Variants in ANKFN1 observed in about 807,000 individuals in gnomAD.
ANKFN1 encodes ankyrin repeat and fibronectin type-III domain-containing protein 1.
ANKFN1 carries 74 observed loss-of-function variants against 108.7 expected under a neutral mutation model. The ratio of observed to expected loss-of-function variants is 0.68; its 90% CI spans 0.56 to 0.83. ANKFN1 has a LOEUF of 0.83. ANKFN1 is among the 40% of genes least tolerant of loss of function. The pLI is 0.00. For synonymous variants in ANKFN1, 547 were observed against 516.2 expected, an observed-to-expected ratio of 1.06 and a Z score of -0.81; for missense variants, 1,505 against 1,382.3, an observed-to-expected ratio of 1.09 and a Z score of -1.41.
intron 5 of ANKFN1, among the ~76,000 whole-genome samples, chr17:56,351,875 C>G (rs2046256867): frequency 6.6e-6 from 1 of 152,108 alleles, no homozygotes. Flanking sequence ...GCTCTTAAAA[C>G]AGAAATGAGT....
chr17:56,391,359 CAT>C (rs1335527140), intron 8 of ANKFN1, among the ~76,000 whole-genome samples: 169 of 103,830 alleles, frequency 1.6e-3, no homozygotes, highest in African/African-American at 6.3e-3. Flanking sequence ...CCCAAGAATA[CAT>C]ATATATATGT....
rs1910582593 is a variant in ANKFN1 at position 56,170,773 on chromosome 17, T to A, written c.-71+17243T>A. Among the ~76,000 whole-genome samples the A allele has an allele frequency of 9.8e-5, 8 of 81,360 alleles. No homozygotes were observed. The South Asian group carries it at 1.5e-3, about 15-fold the overall frequency. 53.4% of individuals were successfully genotyped at this position (81,360 alleles called of 152,430 possible). ...GTGAGACTCTGTCAAGAAAAAATTT[T>A]TTATATATATATATATATATATATA... On this transcript the variant is annotated intron_variant, in intron 1 of 20. Transcript: ENST00000682825.
chr17:56,441,791 T>C (rs185952304), intron 9 of ANKFN1, among the ~76,000 whole-genome samples: 1 of 152,286 alleles, frequency 6.6e-6, no homozygotes, highest in African/African-American at 2.4e-5. Context: ...CTTTACACAA[T>C]CTCTATAACT....
chr17:56,480,080 A>C (rs1193060404), intron 16 of ANKFN1, among the ~76,000 whole-genome samples: 1 of 152,240 alleles, frequency 6.6e-6, no homozygotes, highest in Non-Finnish European at 1.5e-5. Flanking sequence ...AAAGACACAG[A>C]TTACTGGTTT....
At chr17:56,123,410 G>A (rs986326104) in intron 4 of ANKFN1, among the ~76,000 whole-genome samples, 18 of 152,292 alleles carry the variant, frequency 1.2e-4, no homozygotes, top group Non-Finnish European at 2.1e-4. Context: ...GTAGGAATAT[G>A]CCAGAACCAT....
intron 1 of ANKFN1, among the ~76,000 whole-genome samples, chr17:56,173,727 G>A (rs1009756317): frequency 2.0e-5 from 3 of 152,076 alleles, no homozygotes; most frequent in Non-Finnish European, 2.9e-5. Context: ...CTACCAAAAC[G>A]CTGGGATTCC....
At chr17:56,183,204 A>T (rs1294776818) in intron 1 of ANKFN1, among the ~76,000 whole-genome samples, 3 of 152,186 alleles carry the variant, frequency 2.0e-5, no homozygotes, top group Non-Finnish European at 4.4e-5. Flanking sequence ...TTATTTAAGG[A>T]GTACATTTCA....
rs542401388 is a variant in ANKFN1, at chr17:56,513,598, G to C, written c.*2329G>C. On this transcript the variant is annotated 3_prime_UTR_variant, in exon 21 of 21. Coordinates refer to ENST00000682825, the MANE Select transcript of ANKFN1 (RefSeq NM_001370326.1). ...AAGTTTGTGACTGAATCAGGTGGGA[G>C]GCATTCAACAAACAGGAGAGGCAGA... Among the ~76,000 whole-genome samples, 5 of 152,244 alleles carry C rather than the reference G, an allele frequency of 3.3e-5. No individual in the cohort carries two copies. In the South Asian group the frequency reaches 1.0e-3, roughly 32 times the overall value.
At chr17:56,194,485 C>T (rs192213866) in intron 1 of ANKFN1, among the ~76,000 whole-genome samples, 5 of 152,178 alleles carry the variant, frequency 3.3e-5, no homozygotes, top group African/African-American at 1.2e-4. Flanking sequence ...ATATTTATTA[C>T]TAAGTAAGAA....
intron 4 of ANKFN1, among the ~76,000 whole-genome samples, chr17:56,093,314 T>A (rs1243689974): frequency 6.6e-6 from 1 of 151,186 alleles, no homozygotes; most frequent in East Asian, 1.9e-4. Flanking sequence ...TCAGTCTACT[T>A]GGGCTTAAAA....
chr17:56,426,026 G>T (rs551580156), intron 8 of ANKFN1, among the ~76,000 whole-genome samples: 1 of 152,304 alleles, frequency 6.6e-6, no homozygotes, highest in South Asian at 2.1e-4. Flanking sequence ...GAATGTACCA[G>T]CAATTAGCTT....
chr17:56,446,794 A>G (rs942312095), intron 10 of ANKFN1, among the ~76,000 whole-genome samples: 1 of 151,954 alleles, frequency 6.6e-6, no homozygotes, highest in Non-Finnish European at 1.5e-5. Flanking sequence ...GTCCCCAGCT[A>G]CTAGGGAGGC....
In ANKFN1 at chr17:56,182,502, T is replaced by C. The variant is rs548171140; in HGVS notation, c.-71+28972T>C. On this transcript the variant is annotated intron_variant, in intron 1 of 20. Coordinates refer to ENST00000682825, the MANE Select transcript of ANKFN1 (RefSeq NM_001370326.1). Reference sequence around the variant, plus strand: ...ACCTAGTCCAGAGCAAGACCCTAACTCTTTGAATTTTCTGAAATCTGGGAG... The same window carrying C: ...ACCTAGTCCAGAGCAAGACCCTAACCCTTTGAATTTTCTGAAATCTGGGAG... Among the ~76,000 whole-genome samples, 6 of 152,228 alleles carry C rather than the reference T, an allele frequency of 3.9e-5. No individual in the cohort carries two copies. In the South Asian group the frequency reaches 1.2e-3, roughly 32 times the overall value.
intron 3 of ANKFN1, among the ~76,000 whole-genome samples, chr17:56,263,739 A>C (rs999768194): frequency 4.7e-4 from 72 of 152,220 alleles, no homozygotes; most frequent in African/African-American, 1.6e-3. Flanking sequence ...GGGGAGAGAA[A>C]GATCCGAGGT....
Position 56,350,890 on chromosome 17 carries a change from A to G in ANKFN1, c.313A>G (p.Lys105Glu). The G allele has an allele frequency of 6.2e-7, 1 of 1,613,860 alleles. No homozygotes were observed. The highest frequency in any genetic ancestry group is 8.5e-7 in the Non-Finnish European group (1 of 1,179,904). The change falls in exon 5 of 21, where the codon AAA (lysine) becomes GAA (glutamate). Residue 105 changes from lysine (K) to glutamate (E), a missense_variant. Lys to Glu is a moderately conservative substitution (Grantham distance 56). Coordinates refer to ENST00000682825, the MANE Select transcript of ANKFN1 (RefSeq NM_001370326.1). Reference sequence around the variant, plus strand: ...GTACAGGAACCTCTCTGAGAAACTGAAAGGGAGCCACTCTTCCTTCGATGA... The same window carrying G: ...GTACAGGAACCTCTCTGAGAAACTGGAAGGGAGCCACTCTTCCTTCGATGA... ...RLYRNLSEKLKGSHSSFDEAY... is the reference protein window; with the variant it reads ...RLYRNLSEKLEGSHSSFDEAY...
At chr17:56,448,284 A>G (rs1332105102) in intron 10 of ANKFN1, among the ~76,000 whole-genome samples, 1 of 152,192 alleles carries the variant, frequency 6.6e-6, no homozygotes, top group South Asian at 2.1e-4. Context: ...TGCTGAAAAA[A>G]AAAACAAAAA....
rs1317169961 is a variant in ANKFN1 at position 56,511,699 on chromosome 17, C to T, written c.*430C>T. 1 of 156,308 alleles carries T rather than the reference C, an allele frequency of 6.4e-6. No individual in the cohort carries two copies. Among genetic ancestry groups the T allele is most frequent in the East Asian group, 1.9e-4 (1 of 5,284 alleles). 9.7% of individuals were successfully genotyped at this position (156,308 alleles called of 1,614,324 possible). A position where few individuals can be genotyped will look rare whatever the true frequency, so the allele number is the denominator to read the frequency against. ...TGAAAATAAGATTAGCATCATTTCTCCCTCCATTCCAAACCTTAAGAAGAG... is the reference window on the plus strand; with the variant it reads ...TGAAAATAAGATTAGCATCATTTCTTCCTCCATTCCAAACCTTAAGAAGAG... On this transcript the variant is annotated 3_prime_UTR_variant, in exon 21 of 21. Transcript: ENST00000682825.
chr17:56,146,295 C>T (rs1474475102), intron 4 of ANKFN1, among the ~76,000 whole-genome samples: 1 of 152,188 alleles, frequency 6.6e-6, no homozygotes, highest in Admixed American at 6.5e-5. Flanking sequence ...GTGCATGGTG[C>T]AGCCTGTTAG....
At chr17:56,272,758 T>C (rs1363988100) in intron 3 of ANKFN1, among the ~76,000 whole-genome samples, 1 of 152,206 alleles carries the variant, frequency 6.6e-6, no homozygotes, top group Non-Finnish European at 1.5e-5. Flanking sequence ...TTTTTCACTA[T>C]GTAGTGGTTT....
Sources: gnomAD v4.1 joint callset for allele counts (sites outside exome capture counted in the v4.1 genomes callset) on GRCh38, gnomAD v4.1.1 for gene constraint, MANE v1.5 for transcripts, NCBI Gene and HGNC (gene_info 2026-07-23, HGNC 2026-07-21) for gene names.